The following STYXL1 variants were observed in gnomAD, a reference collection of about 807,000 sequenced individuals.
The protein encoded by STYXL1 is serine/threonine/tyrosine-interacting-like protein 1.
STYXL1 carries 32 observed loss-of-function variants against 36.4 expected under a neutral mutation model. The observed-to-expected ratio is 0.88, with a 90% CI of 0.66 to 1.18. STYXL1 has a LOEUF of 1.18. Among genes scored for constraint, STYXL1 ranks in the 50% most tolerant of loss-of-function variants. The pLI is 0.00. For synonymous variants in STYXL1, 133 were observed against 144.1 expected, an observed-to-expected ratio of 0.92 and a Z score of 0.55; for missense variants, 354 against 394.1, an observed-to-expected ratio of 0.90 and a Z score of 0.86.
chr7:75,999,511 A>ATATGTGTGTGTG (rs1554565620), intron 8 of STYXL1, among the ~76,000 whole-genome samples: 141 of 95,962 alleles, frequency 1.5e-3, no homozygotes, highest in African/African-American at 5.0e-3. Context: ...GTGTGTGTGT[A>ATATGTGTGTGTG]TGTGTGTGTG....
chr7:76,007,192 C>T (rs1455911449), intron 5 of STYXL1, among the ~76,000 whole-genome samples: 1 of 152,042 alleles, frequency 6.6e-6, no homozygotes, highest in Non-Finnish European at 1.5e-5. Context: ...TTTGGGAGGC[C>T]GAGGCAGGCG....
At chr7:76,040,157 TG>T (rs781984496) in intron 1 of STYXL1, among the ~76,000 whole-genome samples, 1 of 151,978 alleles carries the variant, frequency 6.6e-6, no homozygotes, top group Non-Finnish European at 1.5e-5. Context: ...GAGGCGGTGG[TG>T]GGGTCTGGAA....
intron 8 of STYXL1, chr7:76,000,395 G>A (rs782650804): frequency 6.6e-6 from 3 of 456,686 alleles, no homozygotes; most frequent in Non-Finnish European, 1.3e-5. Context: ...CAAGCCCTCT[G>A]GGGATCACGA....
intron 5 of STYXL1, among the ~76,000 whole-genome samples, chr7:76,006,729 A>C (rs1554570508): frequency 6.6e-6 from 1 of 150,426 alleles, no homozygotes; most frequent in African/African-American, 2.5e-5. Context: ...GTGCCACTGC[A>C]CTCCAGCCTG....
At chr7:76,040,336 T>C (rs2116479178) in intron 1 of STYXL1, among the ~76,000 whole-genome samples, 1 of 152,276 alleles carries the variant, frequency 6.6e-6, no homozygotes, top group South Asian at 2.1e-4. Context: ...GGCTTTGCTC[T>C]CCCTTCTCAG....
chr7:76,004,887 G>A (rs1791463471), intron 6 of STYXL1, among the ~76,000 whole-genome samples: 1 of 151,346 alleles, frequency 6.6e-6, no homozygotes, highest in Non-Finnish European at 1.5e-5. Flanking sequence ...TGTAGTCCCA[G>A]CTACTGGGGA....
chr7:76,034,954 G>A (rs1182051286), intron 1 of STYXL1, among the ~76,000 whole-genome samples: 2 of 152,120 alleles, frequency 1.3e-5, no homozygotes, highest in Admixed American at 6.6e-5. Flanking sequence ...ACTCTAGAAG[G>A]GTGCCTGGTA....
intron 1 of STYXL1, among the ~76,000 whole-genome samples, chr7:76,042,568 G>A (rs1371887777): frequency 2.6e-5 from 4 of 151,268 alleles, no homozygotes; most frequent in East Asian, 2.0e-4. Flanking sequence ...CACCTCTCCC[G>A]GCTAATTTTT....
rs575031649 is a variant in STYXL1, at chr7:76,028,629, G to A, written c.165+13C>T. The A allele has an allele frequency of 8.7e-6, 14 of 1,613,318 alleles. No homozygotes were observed. The South Asian group carries it at 1.4e-4, about 16-fold the overall frequency. On this transcript the variant is annotated intron_variant, in intron 3 of 8. Transcript: ENST00000359697. ...TAGCCAGCCTGCCCCAGATCCTGACGCTGCCCATGTACCTTCTTCACTCGA... is the reference window on the plus strand; with the variant it reads ...TAGCCAGCCTGCCCCAGATCCTGACACTGCCCATGTACCTTCTTCACTCGA...
Position 75,999,361 on chromosome 7 carries a change from G to C in STYXL1, c.810+1529C>G, listed in dbSNP as rs566909872. On this transcript the variant is annotated intron_variant, in intron 8 of 8. Transcript: ENST00000359697. ...TGGTTCCCACGGGGCGATGAAGAGGGGAAAGTAAAGAGTTGCTGTTTCAGG... is the reference window on the plus strand; with the variant it reads ...TGGTTCCCACGGGGCGATGAAGAGGCGAAAGTAAAGAGTTGCTGTTTCAGG... Among the ~76,000 whole-genome samples, 3 of 152,278 alleles carry C rather than the reference G, an allele frequency of 2.0e-5. No homozygotes were observed. In the East Asian group the frequency reaches 5.8e-4, roughly 29 times the overall value.
intron 3 of STYXL1, among the ~76,000 whole-genome samples, chr7:76,025,778 A>G (rs2116191016): frequency 6.6e-6 from 1 of 152,138 alleles, no homozygotes; most frequent in East Asian, 1.9e-4. Context: ...ACAGAGCAAG[A>G]TTCTGTCTCA....
chr7:76,001,792 A>ATTT (rs71082373), intron 7 of STYXL1, among the ~76,000 whole-genome samples: 48 of 96,906 alleles, frequency 5.0e-4, no homozygotes, highest in East Asian at 1.3e-3. Flanking sequence ...ACTGCGCCTG[A>ATTT]TTTTTTTTTT....
At chr7:76,009,142 T>C (rs1243159791) in intron 5 of STYXL1, among the ~76,000 whole-genome samples, 3 of 152,120 alleles carry the variant, frequency 2.0e-5, no homozygotes, top group Non-Finnish European at 2.9e-5. Context: ...GTGATGTGGA[T>C]AAAAACACAC....
At chr7:76,025,889 T>A (rs1040767004) in intron 3 of STYXL1, among the ~76,000 whole-genome samples, 2 of 151,682 alleles carry the variant, frequency 1.3e-5, no homozygotes, top group Admixed American at 6.6e-5. Context: ...TATTGAGTTA[T>A]GTGCAGAAAA....
chr7:76,029,193 T>C (rs575063362), intron 2 of STYXL1, among the ~76,000 whole-genome samples: 3 of 152,154 alleles, frequency 2.0e-5, no homozygotes, highest in Admixed American at 2.0e-4. Flanking sequence ...CCCATCCAGG[T>C]TGGAGTGCAG....
chr7:76,017,613 C>T (rs942412052), intron 4 of STYXL1, among the ~76,000 whole-genome samples: 2 of 151,674 alleles, frequency 1.3e-5, no homozygotes, highest in Non-Finnish European at 2.9e-5. Context: ...GGGCCAGGCG[C>T]GATGGCTCAC....
chr7:76,038,193 T>G (rs1554581152), intron 1 of STYXL1, among the ~76,000 whole-genome samples: 1 of 149,626 alleles, frequency 6.7e-6, no homozygotes, highest in Non-Finnish European at 1.5e-5. Context: ...TAGCTGAGGC[T>G]ACAGGTGCAT....
intron 1 of STYXL1, among the ~76,000 whole-genome samples, chr7:76,037,088 CTTCTT>C (rs1362065562): frequency 4.7e-5 from 7 of 149,958 alleles, no homozygotes; most frequent in African/African-American, 1.7e-4. Flanking sequence ...CCGGCCAGCT[CTTCTT>C]AAGAGACCCT....
At chr7:76,028,036 G>GAT (rs1211243054) in intron 3 of STYXL1, among the ~76,000 whole-genome samples, 2 of 151,894 alleles carry the variant, frequency 1.3e-5, no homozygotes, top group Admixed American at 6.6e-5. Context: ...GAGCCCAGGA[G>GAT]ATATATATAT....
Sources: allele counts gnomAD v4.1 joint callset (sites outside exome capture counted in the v4.1 genomes callset), GRCh38; gene constraint gnomAD v4.1.1; transcripts MANE v1.5; gene names NCBI Gene and HGNC (gene_info 2026-07-23, HGNC 2026-07-21).